Variants in SLC33A2 observed in about 807,000 individuals in gnomAD.
SLC33A2 encodes solute carrier family 33 member 2.
chr8:144,511,023 G>A, the SLC33A2 span: 2 of 1,603,224 alleles, frequency 1.2e-6, no homozygotes, highest in Non-Finnish European at 1.7e-6. Flanking sequence ...CCACGCTGGA[G>A]CTGCTGGGGA....
chr8:144,510,036 G>A, the SLC33A2 span: 1 of 1,584,014 alleles, frequency 6.3e-7, no homozygotes, highest in Admixed American at 1.7e-5. Flanking sequence ...CCTCGAGCCA[G>A]GCAACAGCAG....
chr8:144,511,135 C>G, the SLC33A2 span: 17 of 1,610,514 alleles, frequency 1.1e-5, no homozygotes, highest in Non-Finnish European at 1.4e-5. Flanking sequence ...CGTTCTGTAC[C>G]TGGACCTAGC....
chr8:144,510,385 T>A, the SLC33A2 span: 1 of 1,612,580 alleles, frequency 6.2e-7, no homozygotes, highest in Non-Finnish European at 8.5e-7. Flanking sequence ...GCAGCCTGTT[T>A]CCTCTTCTCC....
the SLC33A2 span, chr8:144,509,099 G>A: frequency 4.5e-6 from 2 of 440,432 alleles, no homozygotes; most frequent in Non-Finnish European, 7.9e-6. Flanking sequence ...GCCGGCCGCC[G>A]GTGTCCGGAC....
At chr8:144,509,802 C>T in the SLC33A2 span, 2 of 1,544,598 alleles carry the variant, frequency 1.3e-6, no homozygotes, top group Non-Finnish European at 1.7e-6. Context: ...GCTGCTGGCG[C>T]TGCTGCCCAC....
the SLC33A2 span, chr8:144,510,412 T>A: frequency 2.5e-6 from 4 of 1,612,862 alleles, no homozygotes; most frequent in Non-Finnish European, 3.4e-6. Flanking sequence ...ACCACGGCGT[T>A]TCTGCTCCCG....
chr8:144,510,187 C>G, the SLC33A2 span: 9 of 1,285,100 alleles, frequency 7.0e-6, no homozygotes, highest in Non-Finnish European at 9.5e-6. Context: ...CTTGTCCGCC[C>G]CCAGCTCTAG....
At chr8:144,510,118 G>A in the SLC33A2 span, 1 of 1,404,932 alleles carries the variant, frequency 7.1e-7, no homozygotes, top group East Asian at 2.5e-5. Flanking sequence ...CGCTCTTTCT[G>A]GGGTATGACC....
At chr8:144,510,158 C>T in the SLC33A2 span, 1 of 1,286,592 alleles carries the variant, frequency 7.8e-7, no homozygotes, top group South Asian at 1.4e-5. Context: ...ATCCGGGGCT[C>T]TGCAGCTGGG....
chr8:144,509,727 C>A, the SLC33A2 span: 1 of 1,568,634 alleles, frequency 6.4e-7, no homozygotes, highest in Non-Finnish European at 8.6e-7. Flanking sequence ...GCCGGCCGAA[C>A]TGGGGCCGGG....
At chr8:144,510,788 T>C in the SLC33A2 span, 3 of 1,611,420 alleles carry the variant, frequency 1.9e-6, no homozygotes, top group Non-Finnish European at 2.5e-6. Flanking sequence ...ACTTCTGCCC[T>C]CCCAGGGTCA....
the SLC33A2 span, chr8:144,510,833 G>C: frequency 9.3e-6 from 15 of 1,610,892 alleles, no homozygotes; most frequent in African/African-American, 1.3e-4. Flanking sequence ...CACTTCTTGG[G>C]AGGCCTGGTC....
the SLC33A2 span, chr8:144,510,025 G>A: frequency 6.3e-7 from 1 of 1,589,698 alleles, no homozygotes; most frequent in Non-Finnish European, 8.5e-7. Flanking sequence ...GGTGAGTGAG[G>A]CCTCGAGCCA....
At chr8:144,509,912 GC>G in the SLC33A2 span, 1 of 1,561,966 alleles carries the variant, frequency 6.4e-7, no homozygotes, top group African/African-American at 1.3e-5. Flanking sequence ...TCCCACAGCA[GC>G]CCCCTTCCGA....
chr8:144,510,904 G>C, the SLC33A2 span: 7 of 1,604,240 alleles, frequency 4.4e-6, no homozygotes, highest in African/African-American at 1.3e-5. Flanking sequence ...GGCCCTGCAG[G>C]TGAGTAGATG....
the SLC33A2 span, chr8:144,511,091 G>C: frequency 4.3e-6 from 7 of 1,609,506 alleles, no homozygotes; most frequent in South Asian, 7.7e-5. Context: ...CCACATCCCT[G>C]CTTCTTGCTC....
the SLC33A2 span, chr8:144,511,124 C>T: frequency 5.0e-6 from 8 of 1,610,648 alleles, no homozygotes; most frequent in Non-Finnish European, 6.8e-6. Context: ...TCTGCCTTTC[C>T]CGTTCTGTAC....
the SLC33A2 span, chr8:144,509,336 G>T: frequency 6.8e-7 from 1 of 1,464,346 alleles, no homozygotes; most frequent in Non-Finnish European, 9.0e-7. Flanking sequence ...GAGCCGCCAT[G>T]CGCGGGAAGT....
chr8:144,509,375 G>T, the SLC33A2 span: 1 of 1,518,358 alleles, frequency 6.6e-7, no homozygotes, highest in Non-Finnish European at 8.8e-7. Context: ...TCTACCTGGT[G>T]CAGGGCCTGC....
Sources: allele counts gnomAD v4.1 joint callset, GRCh38; gene constraint gnomAD v4.1.1; transcripts MANE v1.5; gene names NCBI Gene and HGNC (gene_info 2026-07-23, HGNC 2026-07-21).